The following SLIT2 variants were observed in gnomAD, a reference collection of about 807,000 sequenced individuals.
SLIT2 encodes the protein slit guidance ligand 2.
In SLIT2, 41 loss-of-function variants were observed where a neutral mutation model predicts 185.7. That is an observed-to-expected ratio of 0.22 (90% CI 0.17 to 0.29). The LOEUF (loss-of-function observed/expected upper bound fraction) is 0.29. SLIT2 is among the 10% of genes least tolerant of loss of function. The probability of loss-of-function intolerance (pLI) is 1.00; values close to 1 mark genes in which losing one functional copy is unlikely to be tolerated. For missense variants in SLIT2, 1,571 were observed against 1,909.0 expected, an observed-to-expected ratio of 0.82 and a Z score of 3.30; for synonymous variants, 693 against 680.2, an observed-to-expected ratio of 1.02 and a Z score of -0.29.
At chr4:20,614,500 A>G (rs12651518) in intron 34 of SLIT2, among the ~76,000 whole-genome samples, 92,938 of 151,906 alleles carry the variant, frequency 0.61, 28,712 homozygotes, top group Admixed American at 0.71. Context: ...GGATCTGGCC[A>G]GGCGTGGTGG....
At chr4:20,361,970 T>C (rs1722778229) in intron 4 of SLIT2, among the ~76,000 whole-genome samples, 2 of 152,126 alleles carry the variant, frequency 1.3e-5, no homozygotes, top group Admixed American at 6.6e-5. Context: ...TTTTCGACCT[T>C]AATTCAAAAT....
At chr4:20,255,064 C>A (rs886883736) in intron 1 of SLIT2, 1 of 456,240 alleles carries the variant, frequency 2.2e-6, no homozygotes, top group Non-Finnish European at 4.4e-6. Flanking sequence ...CGCGCCAGTC[C>A]GGCCGCCCTA....
chr4:20,337,551 G>A (rs1720608597), intron 4 of SLIT2, among the ~76,000 whole-genome samples: 1 of 152,134 alleles, frequency 6.6e-6, no homozygotes, highest in African/African-American at 2.4e-5. Flanking sequence ...ATATCAAATA[G>A]CAAAGAGCTT....
At chr4:20,610,278 T>C in intron 34 of SLIT2, 111 bp downstream of exon 34, 4 of 891,830 alleles carry the variant, frequency 4.5e-6, no homozygotes, top group Non-Finnish European at 6.5e-6. Context: ...TGACCAATAG[T>C]GATCAATCAT....
chr4:20,614,568 G>A (rs922966566), intron 34 of SLIT2, among the ~76,000 whole-genome samples: 7 of 151,538 alleles, frequency 4.6e-5, no homozygotes, highest in African/African-American at 7.3e-5. Flanking sequence ...ACCTGAGGTC[G>A]GGAGTTGGAG....
chr4:20,358,366 C>T (rs1036914535), intron 4 of SLIT2, among the ~76,000 whole-genome samples: 4 of 152,074 alleles, frequency 2.6e-5, no homozygotes, highest in East Asian at 1.9e-4. Context: ...GTATTTTTAA[C>T]GCAAACTAAT....
At chr4:20,505,915 A>G (rs1577806881) in intron 9 of SLIT2, among the ~76,000 whole-genome samples, 2 of 152,128 alleles carry the variant, frequency 1.3e-5, no homozygotes, top group African/African-American at 4.8e-5. Context: ...AAAAAATTGT[A>G]GAAGTGGAGA....
At chr4:20,327,467 G>T (rs115110869) in intron 4 of SLIT2, among the ~76,000 whole-genome samples, 359 of 152,018 alleles carry the variant, frequency 2.4e-3, no homozygotes, top group Non-Finnish European at 3.8e-3. Flanking sequence ...AATAAATGCA[G>T]CTTTGTTGCT....
At chr4:20,306,980 T>A (rs1298978086) in intron 4 of SLIT2, among the ~76,000 whole-genome samples, 12 of 152,070 alleles carry the variant, frequency 7.9e-5, no homozygotes, top group Non-Finnish European at 4.4e-5. Context: ...GTGCAGAAAT[T>A]CATTTCTCTG....
chr4:20,599,704 T>G (rs559606181), intron 33 of SLIT2, among the ~76,000 whole-genome samples: 1 of 152,246 alleles, frequency 6.6e-6, no homozygotes, highest in South Asian at 2.1e-4. Context: ...TAATATAAAT[T>G]TTCTCTCCTT....
intron 3 of SLIT2, among the ~76,000 whole-genome samples, chr4:20,267,870 A>G: frequency 6.6e-6 from 1 of 151,824 alleles, no homozygotes. Context: ...CAGAAACTAT[A>G]CTATATAATA....
chr4:20,327,643 G>T (rs1719708847), intron 4 of SLIT2, among the ~76,000 whole-genome samples: 1 of 151,898 alleles, frequency 6.6e-6, no homozygotes, highest in Admixed American at 6.6e-5. Flanking sequence ...CTGGAAAATA[G>T]AATTATTTCT....
chr4:20,525,257 T>G, intron 15 of SLIT2, 85 bp downstream of exon 15: 2 of 960,122 alleles, frequency 2.1e-6, no homozygotes, highest in Non-Finnish European at 1.7e-6. Flanking sequence ...ATATGCATGC[T>G]TCTGAAAGTA....
intron 4 of SLIT2, among the ~76,000 whole-genome samples, chr4:20,360,168 C>T (rs1722629090): frequency 6.6e-6 from 1 of 152,160 alleles, no homozygotes; most frequent in African/African-American, 2.4e-5. Flanking sequence ...CTCTTTTCCT[C>T]TGTATTAAGT....
chr4:20,550,974 G>C (rs1487304051), intron 25 of SLIT2, 76 bp downstream of exon 25: 6 of 770,672 alleles, frequency 7.8e-6, no homozygotes, highest in Non-Finnish European at 1.1e-5. Context: ...TCCTCTGCCA[G>C]TTATTTTACT....
At chr4:20,509,499 A>G (rs1386976691) in intron 9 of SLIT2, among the ~76,000 whole-genome samples, 2 of 152,064 alleles carry the variant, frequency 1.3e-5, no homozygotes, top group South Asian at 2.1e-4. Flanking sequence ...CTCCCCGCCA[A>G]CCTTTCACCA....
intron 4 of SLIT2, among the ~76,000 whole-genome samples, chr4:20,450,252 A>G (rs1485461520): frequency 6.6e-6 from 1 of 152,232 alleles, no homozygotes; most frequent in African/African-American, 2.4e-5. Flanking sequence ...TATCCTCTCT[A>G]AAGCTGTGAC....
intron 4 of SLIT2, among the ~76,000 whole-genome samples, chr4:20,405,074 T>C (rs972653029): frequency 6.6e-5 from 10 of 151,944 alleles, no homozygotes; most frequent in African/African-American, 2.4e-4. Context: ...CCAGATATTC[T>C]GAATTTAAAA....
chr4:20,529,184 A>T, intron 16 of SLIT2, 85 bp downstream of exon 16: 1 of 972,820 alleles, frequency 1.0e-6, no homozygotes, highest in Non-Finnish European at 1.5e-6. Flanking sequence ...TGCCATTTTT[A>T]TTATTAATAA....
Sources: gnomAD v4.1 joint callset for allele counts (sites outside exome capture counted in the v4.1 genomes callset) on GRCh38, gnomAD v4.1.1 for gene constraint, MANE v1.5 for transcripts, NCBI Gene and HGNC (gene_info 2026-07-23, HGNC 2026-07-21) for gene names.